The following BCL2 variants were observed in gnomAD, a reference collection of about 807,000 sequenced individuals.
BCL2 encodes the protein BCL2 apoptosis regulator.
Under a neutral mutation model 14.2 loss-of-function variants are expected in BCL2, and 1 was observed. The ratio of observed to expected loss-of-function variants is 0.07; its 90% CI spans 0.02 to 0.33. The LOEUF (loss-of-function observed/expected upper bound fraction) is 0.33, where lower values mean the gene tolerates loss of function less well. Ranked by LOEUF, BCL2 falls within the 10% of genes least tolerant of loss-of-function variation. The probability of loss-of-function intolerance (pLI) is 0.99; values close to 1 mark genes in which losing one functional copy is unlikely to be tolerated. For synonymous variants in BCL2, 151 were observed against 137.2 expected (o/e 1.10, Z -0.70); for missense variants, 247 against 305.9 (o/e 0.81, Z 1.44).
chr18:63,225,340 T>A (rs1910515631), intron 2 of BCL2, among the ~76,000 whole-genome samples: 1 of 152,156 alleles, frequency 6.6e-6, no homozygotes, highest in African/African-American at 2.4e-5. Context: ...TAAATTTTTA[T>A]CTACTATAAT....
chr18:63,188,758 A>G (rs564380733), intron 2 of BCL2, among the ~76,000 whole-genome samples: 1 of 152,204 alleles, frequency 6.6e-6, no homozygotes, highest in Non-Finnish European at 1.5e-5. Flanking sequence ...ACAGTATATT[A>G]TATATCCTTC....
chr18:63,316,811 C>T (rs1438410942), intron 2 of BCL2: 2 of 152,036 alleles, frequency 1.3e-5, no homozygotes, highest in East Asian at 3.9e-4. Context: ...AATTTCTAGG[C>T]TTTTTGCTCC....
intron 2 of BCL2, among the ~76,000 whole-genome samples, chr18:63,152,653 G>A (rs1380999474): frequency 6.6e-6 from 1 of 151,908 alleles, no homozygotes; most frequent in Non-Finnish European, 1.5e-5. Flanking sequence ...AAAAATAAAG[G>A]GCCAACCAAG....
intron 2 of BCL2, among the ~76,000 whole-genome samples, chr18:63,219,419 C>T (rs930601483): frequency 7.3e-5 from 11 of 149,860 alleles, no homozygotes; most frequent in Non-Finnish European, 1.5e-4. Context: ...TTTTTCTTTG[C>T]ATTCCAACAC....
chr18:63,293,878 C>T (rs1379039051), intron 2 of BCL2, among the ~76,000 whole-genome samples: 6 of 152,080 alleles, frequency 3.9e-5, no homozygotes, highest in Admixed American at 2.0e-4. Context: ...TTTATAGGTA[C>T]CTCTCATGCA....
chr18:63,291,973 A>G (rs1912660422), intron 2 of BCL2, among the ~76,000 whole-genome samples: 1 of 152,118 alleles, frequency 6.6e-6, no homozygotes, highest in African/African-American at 2.4e-5. Flanking sequence ...ACCACTTTAT[A>G]TCAGTGCTGG....
At chr18:63,283,703 T>C (rs1292109004) in intron 2 of BCL2, among the ~76,000 whole-genome samples, 1 of 152,160 alleles carries the variant, frequency 6.6e-6, no homozygotes, top group Non-Finnish European at 1.5e-5. Flanking sequence ...ACTTTCCCTA[T>C]GTGGTGAAAA....
chr18:63,185,824 C>A (rs1340151754), intron 2 of BCL2, among the ~76,000 whole-genome samples: 1 of 152,198 alleles, frequency 6.6e-6, no homozygotes, highest in African/African-American at 2.4e-5. Flanking sequence ...GTAACAGAGC[C>A]AGGACTTGAA....
chr18:63,173,186 AC>A lies in BCL2; in HGVS notation c.586-44428del, dbSNP rs760089426. Among the ~76,000 whole-genome samples, 7 of 152,218 alleles carry A rather than the reference AC, an allele frequency of 4.6e-5. No individual in the cohort carries two copies. In the East Asian group the frequency reaches 5.8e-4, roughly 13 times the overall value. On this transcript the variant is annotated intron_variant, in intron 2 of 2. Coordinates refer to ENST00000333681, the MANE Select transcript of BCL2 (RefSeq NM_000633.3). ...ACATCATATTGTTTAACTTGAAATA[AC>A]CTTTCACAACCACAAGAAGTTTAGC... is the stretch of plus-strand genomic sequence containing the variant.
chr18:63,279,460 C>T (rs1912247576), intron 2 of BCL2, among the ~76,000 whole-genome samples: 1 of 152,154 alleles, frequency 6.6e-6, no homozygotes, highest in African/African-American at 2.4e-5. Flanking sequence ...GCAAATTAAA[C>T]CCACAATGTG....
At chr18:63,150,905 T>C (rs1914636476) in intron 2 of BCL2, among the ~76,000 whole-genome samples, 2 of 152,134 alleles carry the variant, frequency 1.3e-5, no homozygotes, top group Admixed American at 1.3e-4. Flanking sequence ...TGTCATATTT[T>C]TCCTAGCAAG....
chr18:63,239,844 C>G (rs1462652935), intron 2 of BCL2, among the ~76,000 whole-genome samples: 2 of 152,036 alleles, frequency 1.3e-5, no homozygotes, highest in Non-Finnish European at 2.9e-5. Context: ...GGGGGCTGAA[C>G]CCTTAAAGGG....
intron 2 of BCL2, among the ~76,000 whole-genome samples, chr18:63,266,123 C>A (rs949700551): frequency 6.6e-6 from 1 of 152,042 alleles, no homozygotes; most frequent in Non-Finnish European, 1.5e-5. Flanking sequence ...GGAAGCTAAT[C>A]TCTGCGGCAC....
chr18:63,268,618 T>A (rs1366734939), intron 2 of BCL2, among the ~76,000 whole-genome samples: 1 of 152,248 alleles, frequency 6.6e-6, no homozygotes, highest in Non-Finnish European at 1.5e-5. Context: ...TACATTGGTT[T>A]CACGACAGTG....
intron 2 of BCL2, among the ~76,000 whole-genome samples, chr18:63,253,845 AAAG>A (rs1911387583): frequency 6.8e-6 from 1 of 148,054 alleles, no homozygotes. Flanking sequence ...GAAAAAAAAA[AAAG>A]AAAGAAAGAA....
At chr18:63,160,525 A>G (rs1263455158) in intron 2 of BCL2, among the ~76,000 whole-genome samples, 2 of 152,218 alleles carry the variant, frequency 1.3e-5, no homozygotes, top group Non-Finnish European at 2.9e-5. Context: ...CACAGTGCAG[A>G]GTCCCCTCTT....
intron 2 of BCL2, among the ~76,000 whole-genome samples, chr18:63,300,340 AACAC>A (rs933955235): frequency 6.6e-6 from 1 of 152,014 alleles, no homozygotes; most frequent in Non-Finnish European, 1.5e-5. Context: ...CTGCCTATTT[AACAC>A]ACACACATTC....
chr18:63,183,111 G>A (rs761028623), intron 2 of BCL2, among the ~76,000 whole-genome samples: 35 of 152,188 alleles, frequency 2.3e-4, no homozygotes, highest in Non-Finnish European at 1.5e-4. Flanking sequence ...TATGGACAAG[G>A]AAGTGCTGGG....
At chr18:63,290,647 T>C (rs1423995234) in intron 2 of BCL2, among the ~76,000 whole-genome samples, 2 of 152,154 alleles carry the variant, frequency 1.3e-5, no homozygotes. Flanking sequence ...TTGAATGAGA[T>C]AGCAGGATGG....
Sources: gnomAD v4.1 joint callset for allele counts (sites outside exome capture counted in the v4.1 genomes callset) on GRCh38, gnomAD v4.1.1 for gene constraint, MANE v1.5 for transcripts, NCBI Gene and HGNC (gene_info 2026-07-23, HGNC 2026-07-21) for gene names.